Variants in CACNA1D observed in about 807,000 individuals in gnomAD.
CACNA1D encodes the protein calcium voltage-gated channel subunit alpha1 D, also known as voltage-dependent L-type calcium channel subunit alpha-1D.
A neutral mutation model predicts 257.1 loss-of-function variants in CACNA1D; 55 were observed. The observed-to-expected ratio is 0.21, with a 90% confidence interval of 0.17 to 0.27. The LOEUF (loss-of-function observed/expected upper bound fraction) is 0.27, where lower values mean the gene tolerates loss of function less well. Among genes scored for constraint, CACNA1D ranks in the 10% least tolerant of loss-of-function variants. CACNA1D has a pLI of 1.00. For missense variants in CACNA1D, 1,876 were observed against 2,784.0 expected (o/e 0.67, Z 7.34); for synonymous variants, 980 against 1,014.9 (o/e 0.97, Z 0.65).
intron 3 of CACNA1D, among the ~76,000 whole-genome samples, chr3:53,593,519 C>T (rs1296266453): frequency 1.3e-5 from 2 of 152,222 alleles, no homozygotes; most frequent in African/African-American, 4.8e-5. Flanking sequence ...TGTGTTCACT[C>T]TGCTCCCAAA....
At chr3:53,703,288 C>T (rs1274689339) in intron 9 of CACNA1D, among the ~76,000 whole-genome samples, 1 of 152,158 alleles carries the variant, frequency 6.6e-6, no homozygotes, top group East Asian at 1.9e-4. Context: ...TATGCTTAGC[C>T]CATCAGGGGC....
chr3:53,667,789 C>G (rs1176173163), intron 7 of CACNA1D, among the ~76,000 whole-genome samples: 3 of 151,796 alleles, frequency 2.0e-5, no homozygotes, highest in African/African-American at 7.3e-5. Context: ...TTCCTACTTC[C>G]CTTTCTTTTT....
chr3:53,783,831 C>G (rs1315872745), intron 39 of CACNA1D, among the ~76,000 whole-genome samples: 1 of 152,210 alleles, frequency 6.6e-6, no homozygotes, highest in Non-Finnish European at 1.5e-5. Context: ...TTGCATACCC[C>G]TCTGGGAACA....
chr3:53,743,747 T>G (rs1299697213), intron 22 of CACNA1D, among the ~76,000 whole-genome samples: 2 of 152,194 alleles, frequency 1.3e-5, no homozygotes, highest in Admixed American at 6.5e-5. Context: ...GGTGTGGCCT[T>G]GCTTTCTTGC....
chr3:53,679,816 A>G (rs2094412258), intron 8 of CACNA1D: 2 of 152,214 alleles, frequency 1.3e-5, no homozygotes, highest in Non-Finnish European at 2.9e-5. Flanking sequence ...ACCATGAAGT[A>G]ATATTGTGAA....
At chr3:53,636,480 A>G (rs1231500998) in intron 3 of CACNA1D, among the ~76,000 whole-genome samples, 1 of 151,848 alleles carries the variant, frequency 6.6e-6, no homozygotes, top group African/African-American at 2.4e-5. Flanking sequence ...ATTTTTTTGT[A>G]TTTTTAGTAG....
intron 3 of CACNA1D, among the ~76,000 whole-genome samples, chr3:53,515,782 A>G (rs2091309282): frequency 6.6e-6 from 1 of 152,200 alleles, no homozygotes; most frequent in Admixed American, 6.5e-5. Flanking sequence ...GGATCATAGC[A>G]TTATTAATAG....
At position 53,615,164 on chromosome 3, in the gene CACNA1D, T is replaced by TC. The variant is rs139573041; in HGVS notation, c.484-35614dup. Among the ~76,000 whole-genome samples the TC allele has an allele frequency of 9.7e-3, 1,480 of 152,330 alleles. 16 individuals are homozygous for TC. The highest frequency in any genetic ancestry group is 0.033 in the African/African-American group (1,362 of 41,564). ...ACTATCTATTTTATGTGTCCCCTGC[T>TC]CTCAGCCCCATCACCTGCTGTTCAG... On this transcript the variant is annotated intron_variant, in intron 3 of 47. Coordinates refer to ENST00000350061, the MANE Select transcript of CACNA1D (RefSeq NM_001128840.3).
chr3:53,777,314 G>A (rs10510766), intron 37 of CACNA1D, among the ~76,000 whole-genome samples: 24,802 of 152,190 alleles, frequency 0.16, 2,669 homozygotes, highest in Non-Finnish European at 0.24. Flanking sequence ...GTCATCCTTT[G>A]GCTAGGACAT....
intron 3 of CACNA1D, among the ~76,000 whole-genome samples, chr3:53,528,866 C>T (rs1256664365): frequency 1.3e-5 from 2 of 152,002 alleles, no homozygotes; most frequent in South Asian, 2.1e-4. Flanking sequence ...TTGTACATGC[C>T]GCCTTGTCAC....
At chr3:53,771,182 A>G (rs902243931) in intron 32 of CACNA1D, among the ~76,000 whole-genome samples, 4 of 152,180 alleles carry the variant, frequency 2.6e-5, no homozygotes, top group African/African-American at 9.7e-5. Flanking sequence ...AGCCTTCTGG[A>G]CTGATTCCAT....
intron 8 of CACNA1D, among the ~76,000 whole-genome samples, chr3:53,699,141 A>C (rs1341499185): frequency 1.3e-5 from 2 of 152,202 alleles, no homozygotes; most frequent in East Asian, 3.8e-4. Flanking sequence ...GGTTATTCTC[A>C]ACTGAGCAGA....
intron 8 of CACNA1D, among the ~76,000 whole-genome samples, chr3:53,688,781 C>T (rs1448973253): frequency 6.6e-6 from 1 of 152,158 alleles, no homozygotes; most frequent in Non-Finnish European, 1.5e-5. Context: ...ATCATTCCTT[C>T]GAATTTCTGC....
At chr3:53,663,572 T>C (rs2094227517) in intron 5 of CACNA1D, among the ~76,000 whole-genome samples, 2 of 152,160 alleles carry the variant, frequency 1.3e-5, no homozygotes, top group South Asian at 2.1e-4. Flanking sequence ...TCATGACCTC[T>C]TTTTCTGTCC....
At position 53,655,224 on chromosome 3, in the gene CACNA1D, G is replaced by A. The variant is rs576707606; in HGVS notation, c.623+4306G>A. ...TTCTTTATCCAATCTGTATTGATGGGCATGTAGGTTGATTCCATGTCTTTG... is the reference window on the plus strand; with the variant it reads ...TTCTTTATCCAATCTGTATTGATGGACATGTAGGTTGATTCCATGTCTTTG... On this transcript the variant is annotated intron_variant, in intron 4 of 47. Transcript: ENST00000350061. Among the ~76,000 whole-genome samples the A allele has an allele frequency of 1.6e-4, 24 of 152,292 alleles. No homozygotes were observed. In the South Asian group the frequency reaches 5.0e-3, roughly 32 times the overall value.
rs1559497538 is a variant in CACNA1D, at chr3:53,673,203, G to A, written c.1220+77G>A. The A allele has an allele frequency of 6.2e-6, 6 of 973,298 alleles. No individual in the cohort carries two copies. Among genetic ancestry groups the A allele is most frequent in the Non-Finnish European group, 8.0e-6 (5 of 625,954 alleles). 60.3% of individuals were successfully genotyped at this position (973,298 alleles called of 1,614,324 possible). A position where few individuals can be genotyped will look rare whatever the true frequency, so the allele number is the denominator to read the frequency against. On this transcript the variant is annotated intron_variant, in intron 8 of 47. Coordinates refer to ENST00000350061, the MANE Select transcript of CACNA1D (RefSeq NM_001128840.3). This position sits in a 1 kb window ranked among gnomAD's most constrained non-coding sequence, Gnocchi z 4.1. ...AGACCACACAAGCTTTGCTGGATGA[G>A]GGCCGCCAAGAGGGGTTGCCAGACA...
At chr3:53,701,814 T>G (rs1026088389) in intron 8 of CACNA1D, among the ~76,000 whole-genome samples, 2 of 152,194 alleles carry the variant, frequency 1.3e-5, no homozygotes, top group Non-Finnish European at 2.9e-5. Context: ...CTTGCACACA[T>G]GGTGGAAAGT....
intron 20 of CACNA1D, among the ~76,000 whole-genome samples, chr3:53,739,284 T>G (rs1278370680): frequency 1.3e-5 from 2 of 152,236 alleles, no homozygotes; most frequent in African/African-American, 4.8e-5. Flanking sequence ...GCCTGGGTGG[T>G]CTCCACAGTC....
intron 4 of CACNA1D, among the ~76,000 whole-genome samples, chr3:53,658,352 T>C (rs2094169604): frequency 6.6e-6 from 1 of 152,200 alleles, no homozygotes; most frequent in Non-Finnish European, 1.5e-5. Context: ...CTCATAACTC[T>C]TAGGAGTGGA....
Sources: allele counts gnomAD v4.1 joint callset (sites outside exome capture counted in the v4.1 genomes callset), GRCh38; gene constraint gnomAD v4.1.1; non-coding constraint Gnocchi (gnomAD v3.1); transcripts MANE v1.5; gene names NCBI Gene and HGNC (gene_info 2026-07-23, HGNC 2026-07-21).